Variants in GPC5 observed in about 807,000 individuals in gnomAD.
The protein encoded by GPC5 is glypican-5.
A neutral mutation model predicts 53.9 loss-of-function variants in GPC5; 47 were observed. That is an observed-to-expected ratio of 0.87 (90% confidence interval 0.69 to 1.11). The LOEUF (loss-of-function observed/expected upper bound fraction) is 1.11, where lower values mean the gene tolerates loss of function less well. Among genes scored for constraint, GPC5 ranks in the 50% most tolerant of loss-of-function variants. The probability of loss-of-function intolerance (pLI) is 0.00; values close to 1 mark genes in which losing one functional copy is unlikely to be tolerated. For synonymous variants in GPC5, 286 were observed against 263.3 expected, an observed-to-expected ratio of 1.09 and a Z score of -0.84; for missense variants, 748 against 713.1, an observed-to-expected ratio of 1.05 and a Z score of -0.56.
chr13:92,783,706 CTTCT>C (rs1480584757), intron 7 of GPC5, among the ~76,000 whole-genome samples: 2 of 152,100 alleles, frequency 1.3e-5, no homozygotes, highest in Admixed American at 6.6e-5. Flanking sequence ...AAATTTTGGG[CTTCT>C]TTATCTTGTA....
intron 7 of GPC5, among the ~76,000 whole-genome samples, chr13:92,400,007 A>G (rs1594169348): frequency 6.6e-6 from 1 of 152,098 alleles, no homozygotes; most frequent in East Asian, 1.9e-4. Context: ...AATTTATGAA[A>G]AAGATCATTC....
chr13:92,833,789 G>T (rs1375025873), intron 7 of GPC5, among the ~76,000 whole-genome samples: 4 of 152,166 alleles, frequency 2.6e-5, no homozygotes, highest in Admixed American at 2.6e-4. Flanking sequence ...GGAAGGTGAT[G>T]ATTGTTCCAA....
chr13:91,931,341 T>G (rs1421605564), intron 6 of GPC5, among the ~76,000 whole-genome samples: 1 of 152,044 alleles, frequency 6.6e-6, no homozygotes, highest in Non-Finnish European at 1.5e-5. Context: ...ATAATTCTAT[T>G]GAAGATAGTA....
At chr13:92,431,873 G>C (rs888332346) in intron 7 of GPC5, among the ~76,000 whole-genome samples, 46 of 152,282 alleles carry the variant, frequency 3.0e-4, no homozygotes, top group African/African-American at 1.1e-3. Context: ...TTGGTGAAAA[G>C]TAAATTTGTA....
At chr13:92,780,802 T>A (rs1875996323) in intron 7 of GPC5, among the ~76,000 whole-genome samples, 1 of 152,092 alleles carries the variant, frequency 6.6e-6, no homozygotes, top group South Asian at 2.1e-4. Context: ...AGATATTTAG[T>A]CAAGGTAAAA....
chr13:92,754,574 T>C (rs1405908109), intron 7 of GPC5, among the ~76,000 whole-genome samples: 16 of 151,414 alleles, frequency 1.1e-4, no homozygotes, highest in Non-Finnish European at 5.9e-5. Context: ...TGTGCTGTAT[T>C]CAGGAAACCC....
intron 7 of GPC5, among the ~76,000 whole-genome samples, chr13:92,473,352 T>C (rs1486328810): frequency 6.6e-6 from 1 of 152,108 alleles, no homozygotes; most frequent in African/African-American, 2.4e-5. Context: ...TCTCTTCAGC[T>C]CCAGTGTAGT....
chr13:92,697,592 G>A (rs1440433644), intron 7 of GPC5, among the ~76,000 whole-genome samples: 1 of 152,122 alleles, frequency 6.6e-6, no homozygotes, highest in African/African-American at 2.4e-5. Flanking sequence ...AGGAGATTTT[G>A]GGCTGAGACG....
intron 5 of GPC5, among the ~76,000 whole-genome samples, chr13:91,835,620 A>T (rs1430339293): frequency 6.6e-6 from 1 of 152,138 alleles, no homozygotes; most frequent in Non-Finnish European, 1.5e-5. Flanking sequence ...CATTCTCAGC[A>T]AACTAACACA....
At chr13:92,847,775 G>C (rs970756026) in intron 7 of GPC5, among the ~76,000 whole-genome samples, 1 of 152,032 alleles carries the variant, frequency 6.6e-6, no homozygotes, top group African/African-American at 2.4e-5. Context: ...TGTTCTATAG[G>C]ATTTTTTTAT....
At chr13:92,079,036 G>A (rs1037500023) in intron 6 of GPC5, among the ~76,000 whole-genome samples, 3 of 151,840 alleles carry the variant, frequency 2.0e-5, no homozygotes, top group South Asian at 4.2e-4. Context: ...TTCTCAGGAT[G>A]TTACTTCTTT....
intron 7 of GPC5, among the ~76,000 whole-genome samples, chr13:92,405,058 C>T (rs1875731855): frequency 7.0e-6 from 1 of 143,634 alleles, no homozygotes; most frequent in Non-Finnish European, 1.5e-5. Context: ...AAGACCAAAA[C>T]ACTTCTAAAA....
At chr13:91,412,383 A>G (rs961535376) in intron 1 of GPC5, among the ~76,000 whole-genome samples, 1 of 152,262 alleles carries the variant, frequency 6.6e-6, no homozygotes, top group Non-Finnish European at 1.5e-5. Flanking sequence ...CTTAAAAATA[A>G]AAGAACATGA....
chr13:92,301,526 G>A (rs775757565), intron 7 of GPC5, among the ~76,000 whole-genome samples: 4 of 152,128 alleles, frequency 2.6e-5, no homozygotes, highest in Non-Finnish European at 4.4e-5. Flanking sequence ...TAACCTGTCC[G>A]TGATTCCATT....
intron 7 of GPC5, among the ~76,000 whole-genome samples, chr13:92,705,138 A>G (rs139993506): frequency 1.3e-5 from 2 of 152,106 alleles, no homozygotes; most frequent in Non-Finnish European, 2.9e-5. Flanking sequence ...TCTAGTGGTC[A>G]TTTTTTTGTC....
At chr13:92,469,190 G>A (rs1165625193) in intron 7 of GPC5, among the ~76,000 whole-genome samples, 2 of 151,806 alleles carry the variant, frequency 1.3e-5, no homozygotes, top group Non-Finnish European at 2.9e-5. Flanking sequence ...TTATCTTAAG[G>A]TCTCCTTCCT....
chr13:92,775,549 G>T (rs1191899226), intron 7 of GPC5, among the ~76,000 whole-genome samples: 1 of 152,122 alleles, frequency 6.6e-6, no homozygotes, highest in African/African-American at 2.4e-5. Context: ...ATTCAGGCTA[G>T]AATCCATTGT....
chr13:91,852,254 T>C (rs2038922651), intron 5 of GPC5, among the ~76,000 whole-genome samples: 1 of 149,632 alleles, frequency 6.7e-6, no homozygotes, highest in Non-Finnish European at 1.5e-5. Flanking sequence ...ATTTTTATGT[T>C]ATTTTGTTAA....
At chr13:91,567,624 A>G (rs2138968210) in intron 2 of GPC5, among the ~76,000 whole-genome samples, 1 of 152,254 alleles carries the variant, frequency 6.6e-6, no homozygotes, top group Middle Eastern at 3.4e-3. Context: ...CTGATTGGTT[A>G]GTTAATTAGG....
Sources: allele counts gnomAD v4.1 joint callset (sites outside exome capture counted in the v4.1 genomes callset), GRCh38; gene constraint gnomAD v4.1.1; transcripts MANE v1.5; gene names NCBI Gene and HGNC (gene_info 2026-07-23, HGNC 2026-07-21).